The following GALNT2 variants were observed in gnomAD, a reference collection of about 807,000 sequenced individuals.
The protein encoded by GALNT2 is polypeptide N-acetylgalactosaminyltransferase 2.
GALNT2 carries 31 observed loss-of-function variants against 81.4 expected under a neutral mutation model. The ratio of observed to expected loss-of-function variants is 0.38; its 90% CI spans 0.29 to 0.51. The LOEUF is 0.51. Among genes scored for constraint, GALNT2 ranks in the 20% least tolerant of loss-of-function variants. The pLI is 0.87. For missense variants in GALNT2, 629 were observed against 765.7 expected, an observed-to-expected ratio of 0.82 and a Z score of 2.11; for synonymous variants, 303 against 287.4, an observed-to-expected ratio of 1.05 and a Z score of -0.55.
chr1:230,059,902 A>T (rs2102731874), intron 1 of GALNT2, among the ~76,000 whole-genome samples: 1 of 152,282 alleles, frequency 6.6e-6, no homozygotes, highest in Non-Finnish European at 1.5e-5. Context: ...ATATTTCCTA[A>T]CATTCTTCTA....
chr1:230,118,033 A>G (rs1331309543), intron 1 of GALNT2, among the ~76,000 whole-genome samples: 2 of 152,130 alleles, frequency 1.3e-5, no homozygotes, highest in Non-Finnish European at 2.9e-5. Flanking sequence ...CCCGATAACC[A>G]CTGATCTTTT....
chr1:230,224,462 C>A (rs1443795387), intron 3 of GALNT2, among the ~76,000 whole-genome samples: 1 of 152,232 alleles, frequency 6.6e-6, no homozygotes. Flanking sequence ...ATTTTCTCAA[C>A]TTTCAATAGC....
intron 1 of GALNT2, among the ~76,000 whole-genome samples, chr1:230,068,515 G>A (rs2102739667): frequency 6.6e-6 from 1 of 152,332 alleles, no homozygotes; most frequent in Middle Eastern, 3.4e-3. Flanking sequence ...AGTTAATGGA[G>A]ATGGACTACG....
chr1:230,240,897 C>T (rs1470966202), intron 6 of GALNT2, among the ~76,000 whole-genome samples: 3 of 152,080 alleles, frequency 2.0e-5, no homozygotes, highest in African/African-American at 7.2e-5. Flanking sequence ...GACTTTTCCC[C>T]CTTAATTTTT....
chr1:230,146,807 C>T (rs1031334329), intron 1 of GALNT2, among the ~76,000 whole-genome samples: 2 of 152,270 alleles, frequency 1.3e-5, no homozygotes, highest in East Asian at 1.9e-4. Flanking sequence ...CACCTCAGAG[C>T]GGCCCCACGT....
chr1:230,222,031 C>CTCTTTTTTTTTTTTTT (rs1553270493), intron 3 of GALNT2, among the ~76,000 whole-genome samples: 2 of 96,120 alleles, frequency 2.1e-5, no homozygotes, highest in African/African-American at 1.0e-4. Context: ...CTGCTTTTCT[C>CTCTTTTTTTTTTTTTT]TTTTTTTTTT....
intron 1 of GALNT2, among the ~76,000 whole-genome samples, chr1:230,127,154 T>G (rs141964096): frequency 4.6e-5 from 7 of 152,212 alleles, no homozygotes; most frequent in Non-Finnish European, 8.8e-5. Context: ...CACACCCTAC[T>G]TTACTCGGAA....
chr1:230,172,031 AT>A (rs905742781), intron 1 of GALNT2, among the ~76,000 whole-genome samples: 1 of 151,938 alleles, frequency 6.6e-6, no homozygotes, highest in African/African-American at 2.4e-5. Context: ...ATATTAACCA[AT>A]TTTTTTTATT....
chr1:230,238,615 G>T (rs1558154900), intron 6 of GALNT2, among the ~76,000 whole-genome samples: 1 of 152,186 alleles, frequency 6.6e-6, no homozygotes, highest in Non-Finnish European at 1.5e-5. Context: ...CTCTGCATTT[G>T]TGGAGATAGT....
intron 9 of GALNT2, among the ~76,000 whole-genome samples, chr1:230,250,163 C>T (rs2102747992): frequency 6.6e-6 from 1 of 152,340 alleles, no homozygotes; most frequent in Middle Eastern, 3.4e-3. Flanking sequence ...GGCAGCATGT[C>T]AGTGAGTAGT....
chr1:230,092,096 T>C (rs555251875), intron 1 of GALNT2: 1 of 152,122 alleles, frequency 6.6e-6, no homozygotes, highest in South Asian at 2.1e-4. Flanking sequence ...CAACATTCTT[T>C]AGTAATCAGT....
chr1:230,099,989 A>G (rs1003768471), intron 1 of GALNT2, among the ~76,000 whole-genome samples: 2 of 152,192 alleles, frequency 1.3e-5, no homozygotes, highest in African/African-American at 4.8e-5. Flanking sequence ...ATTCCCAACC[A>G]AGACCTAGGC....
At chr1:230,140,351 G>C (rs914457844) in intron 1 of GALNT2, among the ~76,000 whole-genome samples, 2 of 152,182 alleles carry the variant, frequency 1.3e-5, no homozygotes, top group African/African-American at 4.8e-5. Context: ...CCTGGAGTTG[G>C]ATTCCTACCC....
intron 2 of GALNT2, among the ~76,000 whole-genome samples, chr1:230,182,735 C>A (rs938743524): frequency 6.6e-6 from 1 of 152,130 alleles, no homozygotes. Context: ...CTATAGATAT[C>A]AATTATATCT....
intron 1 of GALNT2, among the ~76,000 whole-genome samples, chr1:230,060,305 A>C (rs1219038474): frequency 6.6e-6 from 1 of 152,070 alleles, no homozygotes; most frequent in Non-Finnish European, 1.5e-5. Flanking sequence ...TGTTTCTGGG[A>C]TAGTTTTTGT....
chr1:230,266,662 AAG>A (rs773208381), intron 14 of GALNT2, among the ~76,000 whole-genome samples: 5 of 152,260 alleles, frequency 3.3e-5, no homozygotes, highest in African/African-American at 1.2e-4. Context: ...CCTAAATTAG[AAG>A]AGAGAGAGGA....
intron 1 of GALNT2, among the ~76,000 whole-genome samples, chr1:230,152,836 C>T (rs1381219197): frequency 3.9e-5 from 6 of 152,220 alleles, no homozygotes; most frequent in Admixed American, 2.6e-4. Context: ...TTGGCTCTAA[C>T]GTGATGTTCA....
Position 230,205,192 on chromosome 1 carries a change from G to T in GALNT2, c.374+1902G>T, listed in dbSNP as rs142634317. ...ACACACACTGCATACAGTGAAAGAA[G>T]ATTTTTCTCTCTTACTCTCAAGGAC... On this transcript the variant is annotated intron_variant, in intron 3 of 15. Coordinates refer to ENST00000366672, the MANE Select transcript of GALNT2 (RefSeq NM_004481.5). 3.8e-3 allele frequency among the ~76,000 whole-genome samples: 576 copies of T among 152,284 alleles called. 7 individuals are homozygous for T. The highest frequency in any genetic ancestry group is 0.013 in the African/African-American group (557 of 41,558).
chr1:230,120,396 A>T (rs1660979757), intron 1 of GALNT2, among the ~76,000 whole-genome samples: 1 of 152,034 alleles, frequency 6.6e-6, no homozygotes, highest in African/African-American at 2.4e-5. Flanking sequence ...AGCCATCTCC[A>T]GGGCTCTTCC....
Sources: gnomAD v4.1 joint callset for allele counts (sites outside exome capture counted in the v4.1 genomes callset) on GRCh38, gnomAD v4.1.1 for gene constraint, MANE v1.5 for transcripts, NCBI Gene and HGNC (gene_info 2026-07-23, HGNC 2026-07-21) for gene names.